CNTN4: variants seen among roughly 807,000 people sequenced by gnomAD.
The protein encoded by CNTN4 is contactin 4.
CNTN4 carries 77 observed loss-of-function variants against 122.5 expected under a neutral mutation model. The ratio of observed to expected loss-of-function variants is 0.63; its 90% CI spans 0.52 to 0.76. CNTN4 has a LOEUF of 0.76. CNTN4 is among the 30% of genes least tolerant of loss of function. CNTN4 has a pLI of 0.00. For missense variants in CNTN4, 1,256 were observed against 1,259.1 expected (o/e 1.00, Z 0.04); for synonymous variants, 512 against 447.0 (o/e 1.15, Z -1.83).
At chr3:2,673,906 C>T (rs1030768149) in intron 4 of CNTN4, among the ~76,000 whole-genome samples, 3 of 152,118 alleles carry the variant, frequency 2.0e-5, no homozygotes, top group Admixed American at 2.0e-4. Context: ...TGCTTTGAGA[C>T]CTCCATGGCA....
intron 3 of CNTN4, among the ~76,000 whole-genome samples, chr3:2,400,491 G>T (rs2046819208): frequency 1.5e-5 from 2 of 135,954 alleles, no homozygotes; most frequent in African/African-American, 2.7e-5. Flanking sequence ...ACAAGATATT[G>T]GAATCACATG....
intron 7 of CNTN4, among the ~76,000 whole-genome samples, chr3:2,836,808 G>C (rs151016810): frequency 0.024 from 3,659 of 151,654 alleles, 93 homozygotes; most frequent in African/African-American, 0.064. Context: ...GGAGAAATAC[G>C]TAATGTAGAT....
At position 2,266,124 on chromosome 3, in the gene CNTN4, G is replaced by A. The variant is rs201572920; in HGVS notation, c.-144-73054G>A. ...TGGTGAATGGAAGTGGTGAATATGG[G>A]CATCTTTGTCTTGTTCTAGATCTTA... On this transcript the variant is annotated intron_variant, in intron 2 of 24. Coordinates refer to ENST00000418658, the MANE Select transcript of CNTN4 (RefSeq NM_175607.3). Among the ~76,000 whole-genome samples the A allele has an allele frequency of 2.0e-5, 3 of 152,108 alleles. No homozygotes were observed. In the East Asian group the frequency reaches 5.8e-4, roughly 29 times the overall value.
chr3:2,505,955 T>C (rs12490067), intron 3 of CNTN4, among the ~76,000 whole-genome samples: 48,282 of 152,058 alleles, frequency 0.32, 8,745 homozygotes, highest in Admixed American at 0.44. Context: ...ATCTTATTCC[T>C]CTTTTCACTC....
intron 2 of CNTN4, among the ~76,000 whole-genome samples, chr3:2,314,332 G>A (rs903759244): frequency 4.6e-5 from 7 of 151,848 alleles, no homozygotes; most frequent in African/African-American, 1.7e-4. Flanking sequence ...GTAGCCAAGG[G>A]AGTTTCGAAA....
intron 2 of CNTN4, among the ~76,000 whole-genome samples, chr3:2,158,010 A>G (rs554706823): frequency 3.9e-5 from 6 of 152,316 alleles, no homozygotes; most frequent in African/African-American, 1.4e-4. Flanking sequence ...CTCAGCCTCA[A>G]ACCCTAAATT....
chr3:2,588,498 T>A (rs1175825309), intron 4 of CNTN4, among the ~76,000 whole-genome samples: 1 of 151,954 alleles, frequency 6.6e-6, no homozygotes, highest in Admixed American at 6.6e-5. Flanking sequence ...TCCAAGTAGC[T>A]GGGATTATAG....
intron 4 of CNTN4, among the ~76,000 whole-genome samples, chr3:2,676,329 A>T (rs2084843366): frequency 6.6e-6 from 1 of 151,856 alleles, no homozygotes; most frequent in Non-Finnish European, 1.5e-5. Flanking sequence ...TCAAGCAATT[A>T]TCCTGCCTCA....
intron 3 of CNTN4, among the ~76,000 whole-genome samples, chr3:2,487,093 A>G (rs983829852): frequency 2.0e-5 from 3 of 152,160 alleles, no homozygotes; most frequent in African/African-American, 7.2e-5. Flanking sequence ...ATCACTAGGG[A>G]TCCACAAAGG....
intron 13 of CNTN4, among the ~76,000 whole-genome samples, chr3:2,932,191 C>T (rs774633083): frequency 6.6e-6 from 1 of 152,036 alleles, no homozygotes. Context: ...TCCTGGCTAA[C>T]ACGGTGAAAC....
intron 14 of CNTN4, among the ~76,000 whole-genome samples, chr3:3,008,711 C>G (rs540580790): frequency 9.8e-5 from 15 of 152,288 alleles, no homozygotes; most frequent in African/African-American, 3.6e-4. Context: ...TAGGTCATTT[C>G]CCTTCTCAAA....
intron 4 of CNTN4, among the ~76,000 whole-genome samples, chr3:2,657,183 T>G (rs1355740704): frequency 6.6e-6 from 1 of 152,210 alleles, no homozygotes; most frequent in African/African-American, 2.4e-5. Context: ...AAAGTGTCTT[T>G]GTAAACATTC....
At chr3:2,299,356 G>A (rs750883136) in intron 2 of CNTN4, among the ~76,000 whole-genome samples, 24 of 152,022 alleles carry the variant, frequency 1.6e-4, no homozygotes, top group African/African-American at 2.4e-4. Flanking sequence ...GGGTACGAGT[G>A]TTTTTTGGTG....
chr3:2,575,523 G>A (rs1340672824), intron 4 of CNTN4, among the ~76,000 whole-genome samples: 1 of 151,466 alleles, frequency 6.6e-6, no homozygotes, highest in African/African-American at 2.4e-5. Context: ...AGGAAGGCAA[G>A]GAAGAAAGAA....
chr3:3,026,860 C>T (rs1199381932), intron 15 of CNTN4, among the ~76,000 whole-genome samples: 1 of 152,060 alleles, frequency 6.6e-6, no homozygotes, highest in East Asian at 1.9e-4. Flanking sequence ...TATCATTGAA[C>T]ACATAACAAG....
chr3:2,933,797 G>C (rs964236098), intron 13 of CNTN4, among the ~76,000 whole-genome samples: 1 of 152,190 alleles, frequency 6.6e-6, no homozygotes, highest in Non-Finnish European at 1.5e-5. Context: ...TTCTGGAATA[G>C]AGACAGAGAT....
At chr3:2,486,462 G>A (rs1176208071) in intron 3 of CNTN4, among the ~76,000 whole-genome samples, 1 of 152,126 alleles carries the variant, frequency 6.6e-6, no homozygotes, top group East Asian at 1.9e-4. Context: ...TTGGATTTTT[G>A]AATGATTTTA....
intron 2 of CNTN4, among the ~76,000 whole-genome samples, chr3:2,206,868 C>G (rs1382915306): frequency 7.2e-6 from 1 of 139,768 alleles, no homozygotes; most frequent in Non-Finnish European, 1.5e-5. Flanking sequence ...CTGCACTTCG[C>G]AGATACTGCT....
At chr3:2,832,575 A>G (rs181387120) in intron 7 of CNTN4, among the ~76,000 whole-genome samples, 20 of 152,294 alleles carry the variant, frequency 1.3e-4, no homozygotes, top group Admixed American at 1.1e-3. Flanking sequence ...AGTATTATAG[A>G]CAGAACAGCT....
Sources: allele counts gnomAD v4.1 joint callset (sites outside exome capture counted in the v4.1 genomes callset), GRCh38; gene constraint gnomAD v4.1.1; transcripts MANE v1.5; gene names NCBI Gene and HGNC (gene_info 2026-07-23, HGNC 2026-07-21).